The following ZNF727 variants were observed in gnomAD, a reference collection of about 807,000 sequenced individuals.
ZNF727 encodes the protein zinc finger protein 727.
In ZNF727, 11 loss-of-function variants were observed where a neutral mutation model predicts 11.5. The observed-to-expected ratio is 0.95, with a 90% CI of 0.60 to 1.58. The LOEUF is 1.58. Ranked by LOEUF, ZNF727 falls within the 40% of genes most tolerant of loss-of-function variation. The pLI is 0.00. For synonymous variants in ZNF727, 171 were observed against 196.1 expected, an observed-to-expected ratio of 0.87 and a Z score of 1.07; for missense variants, 533 against 581.7, an observed-to-expected ratio of 0.92 and a Z score of 0.86.
chr7:64,069,073 T>G, intron 2 of ZNF727, 56 bp downstream of exon 2: 1 of 443,270 alleles, frequency 2.3e-6, no homozygotes, highest in Non-Finnish European at 3.3e-6. Flanking sequence ...TTATTTCCTC[T>G]TTTTTTTTTT....
chr7:64,060,544 A>C (rs1475635993), intron 1 of ZNF727, among the ~76,000 whole-genome samples: 2 of 152,224 alleles, frequency 1.3e-5, no homozygotes, highest in African/African-American at 2.4e-5. Flanking sequence ...CTTTCAATGC[A>C]CTTGGCACCT....
chr7:64,053,637 A>C (rs1789637291), intron 1 of ZNF727, among the ~76,000 whole-genome samples: 1 of 152,008 alleles, frequency 6.6e-6, no homozygotes, highest in Non-Finnish European at 1.5e-5. Context: ...ATAGTTTTAA[A>C]AAGAGAAGTT....
Position 64,082,497 on chromosome 7 carries a change from C to T in ZNF727, c.*3948C>T, listed in dbSNP as rs1003956381. ...AAGGGAGGTATAGACCGGTTTCCAG[C>T]CCCAAAGCAACTGTAGGAGGTAGCT... is the stretch of plus-strand genomic sequence containing the variant. On this transcript the variant is annotated 3_prime_UTR_variant, in exon 4 of 4. Coordinates refer to ENST00000456806, the MANE Select transcript of ZNF727 (RefSeq NM_001159522.3). Among the ~76,000 whole-genome samples the T allele has an allele frequency of 1.3e-5, 2 of 152,164 alleles. No homozygotes were observed. Among genetic ancestry groups the T allele is most frequent in the African/African-American group, 4.8e-5 (2 of 41,434 alleles).
intron 1 of ZNF727, among the ~76,000 whole-genome samples, chr7:64,054,678 A>G (rs1180567515): frequency 6.6e-6 from 1 of 152,218 alleles, no homozygotes; most frequent in Non-Finnish European, 1.5e-5. Context: ...ATTTGATTGC[A>G]CAGGATTGTC....
chr7:64,060,361 AG>A (rs1789750751), intron 1 of ZNF727, among the ~76,000 whole-genome samples: 1 of 152,210 alleles, frequency 6.6e-6, no homozygotes, highest in Admixed American at 6.5e-5. Context: ...ATAAACACAG[AG>A]ATACGCACAA....
In ZNF727 at chr7:64,082,282, G is replaced by GGCAC. The variant is rs1230925076; in HGVS notation, c.*3733_*3734insGCAC. 6.6e-6 allele frequency among the ~76,000 whole-genome samples: 1 copy of GGCAC among 152,204 alleles called. No individual in the cohort carries two copies. The highest frequency in any genetic ancestry group is 1.9e-4 in the East Asian group (1 of 5,174). On this transcript the variant is annotated 3_prime_UTR_variant, in exon 4 of 4. Coordinates refer to ENST00000456806, the MANE Select transcript of ZNF727 (RefSeq NM_001159522.3). ...GGCCCAGGCCTGGAGAACTTGCCCA[G>GGCAC]TGAGAATATATGAGAACAGGCACTC...
chr7:64,073,680 G>C (rs1789998062), intron 3 of ZNF727, among the ~76,000 whole-genome samples: 1 of 152,008 alleles, frequency 6.6e-6, no homozygotes, highest in Non-Finnish European at 1.5e-5. Context: ...TTAAAGACTG[G>C]CTATAGCAAT....
At chr7:64,064,027 G>T (rs1789823791) in intron 1 of ZNF727, among the ~76,000 whole-genome samples, 1 of 152,138 alleles carries the variant, frequency 6.6e-6, no homozygotes, top group East Asian at 1.9e-4. Context: ...TCAGGGCAGT[G>T]GGTTCTTCTC....
intron 3 of ZNF727, among the ~76,000 whole-genome samples, chr7:64,071,169 T>A (rs554984852): frequency 1.4e-4 from 22 of 152,142 alleles, no homozygotes; most frequent in African/African-American, 4.6e-4. Flanking sequence ...CTATTAAAAA[T>A]TTTTTTAAAG....
At position 64,078,439 on chromosome 7, in the gene ZNF727, T is replaced by C; in HGVS notation, c.1390T>C (p.Ser464Pro). The change falls in exon 4 of 4, where the codon TCC becomes CCC. Residue 464 changes from serine to proline, a missense_variant. Physicochemically the swap from Ser to Pro is moderately conservative, Grantham distance 74 (BLOSUM62 -1). Around this residue, in one of 3 missense-constraint regions of ZNF727, gnomAD observed 54 missense variants for 48.6 expected, o/e 1.11. Transcript: ENST00000456806. ...AGAATGTGGCAAAACCTTTACCTGCTCCTCAAGCCTTATTAAACACAAGAG... is the reference window on the plus strand; with the variant it reads ...AGAATGTGGCAAAACCTTTACCTGCCCCTCAAGCCTTATTAAACACAAGAG... ...CEECGKTFTC[S>P]SSLIKHKRSH... 2 of 1,583,080 alleles carry C rather than the reference T, an allele frequency of 1.3e-6. No individual in the cohort carries two copies. The highest frequency in any genetic ancestry group is 1.7e-6 in the Non-Finnish European group (2 of 1,164,182).
chr7:64,061,400 A>G (rs1279956651), intron 1 of ZNF727, among the ~76,000 whole-genome samples: 1 of 151,510 alleles, frequency 6.6e-6, no homozygotes, highest in Non-Finnish European at 1.5e-5. Context: ...CTCTTGCTGA[A>G]TTGACCACTT....
chr7:64,064,560 T>C (rs1248209940), intron 1 of ZNF727, among the ~76,000 whole-genome samples: 1 of 152,200 alleles, frequency 6.6e-6, no homozygotes, highest in Non-Finnish European at 1.5e-5. Context: ...TGCCTGTGCC[T>C]GGGGTAAGGA....
At chr7:64,053,990 A>C (rs753416521) in intron 1 of ZNF727, among the ~76,000 whole-genome samples, 4 of 152,158 alleles carry the variant, frequency 2.6e-5, no homozygotes, top group Non-Finnish European at 5.9e-5. Context: ...TGGAAGCAGT[A>C]GGGGGAGAAG....
At chr7:64,050,554 A>T (rs1789577599) in intron 1 of ZNF727, among the ~76,000 whole-genome samples, 1 of 152,200 alleles carries the variant, frequency 6.6e-6, no homozygotes, top group South Asian at 2.1e-4. Context: ...AAGTAAATGG[A>T]AGAATTAATT....
Position 64,069,543 on chromosome 7 carries a change from A to C in ZNF727, c.160A>C (p.Thr54Pro). 3 of 1,560,740 alleles carry C rather than the reference A, an allele frequency of 1.9e-6. No individual in the cohort carries two copies. The highest frequency in any genetic ancestry group is 2.6e-6 in the Non-Finnish European group (3 of 1,151,582). Residue 54 changes from threonine (T) to proline (P), a missense_variant, in exon 3 of 4, where the codon ACC (threonine) becomes CCC (proline). Transcript: ENST00000456806. ...TGCTATCTTTAAGCCAGACTTGATT[A>C]CCTATCTGGAGCAAAGAAAAGAGCC... ...GLAIFKPDLITYLEQRKEPWN... is the reference protein window; with the variant it reads ...GLAIFKPDLIPYLEQRKEPWN...
rs1286503495 is a variant in ZNF727 at position 64,077,918 on chromosome 7, A to G, written c.869A>G (p.His290Arg). Residue 290 changes from histidine to arginine, a missense_variant, in exon 4 of 4, where the codon CAC (histidine) becomes CGC (arginine). This residue lies in a region of ZNF727 where 463 missense variants were observed against 494.5 expected (regional missense o/e 0.94). Transcript: ENST00000456806. ...AAACCCTACAAATGTAAAGAATGTC[A>G]CAAAGCCTTTAGGTGTTGCTCAGAC... is the stretch of plus-strand genomic sequence containing the variant. ...GEKPYKCKEC[H>R]KAFRCCSDLT... 6.3e-7 allele frequency: 1 copy of G among 1,585,704 alleles called. No individual in the cohort carries two copies. Among genetic ancestry groups the G allele is most frequent in the African/African-American group, 1.4e-5 (1 of 73,714 alleles).
chr7:64,074,444 T>C (rs1420521010), intron 3 of ZNF727, among the ~76,000 whole-genome samples: 2 of 152,130 alleles, frequency 1.3e-5, no homozygotes, highest in East Asian at 3.9e-4. Flanking sequence ...TTTGAGGGAT[T>C]TGGAAAATTT....
Position 64,081,210 on chromosome 7 carries a change from G to A in ZNF727, c.*2661G>A, listed in dbSNP as rs1785786312. On this transcript the variant is annotated 3_prime_UTR_variant, in exon 4 of 4. Coordinates refer to ENST00000456806, the MANE Select transcript of ZNF727 (RefSeq NM_001159522.3). ...GAGACTGTGTGCTATTTCACTAAAG[G>A]TGGTGTTGGCTTGGGGCAGGATACT... 6.6e-6 allele frequency among the ~76,000 whole-genome samples: 1 copy of A among 152,114 alleles called. No homozygotes were observed. Among genetic ancestry groups the A allele is most frequent in the Non-Finnish European group, 1.5e-5 (1 of 68,022 alleles).
At position 64,066,062 on chromosome 7, in the gene ZNF727, C is replaced by T. The variant is rs531664978; in HGVS notation, c.4-2829C>T. Among the ~76,000 whole-genome samples, 124 of 152,204 alleles carry T rather than the reference C, an allele frequency of 8.1e-4. 2 individuals carry two copies. The highest frequency in any genetic ancestry group is 2.9e-3 in the African/African-American group (122 of 41,522). On this transcript the variant is annotated intron_variant, in intron 1 of 3. Coordinates refer to ENST00000456806, the MANE Select transcript of ZNF727 (RefSeq NM_001159522.3). The stretch of plus-strand genomic sequence containing the variant: ...AAAATGCACATTTAATGAGAATGGT[C>T]TTTATTGCCCAGGATAAGTCAGAAA...
Sources: gnomAD v4.1 joint callset for allele counts (sites outside exome capture counted in the v4.1 genomes callset) on GRCh38, gnomAD v4.1.1 for gene constraint, gnomAD v4.1.1 regional missense constraint, MANE v1.5 for transcripts, NCBI Gene and HGNC (gene_info 2026-07-23, HGNC 2026-07-21) for gene names.